CAD: variants seen among roughly 807,000 people sequenced by gnomAD.
The protein encoded by CAD is carbamoyl-phosphate synthetase 2, aspartate transcarbamylase, and dihydroorotase.
In CAD, 81 loss-of-function variants were observed where a neutral mutation model predicts 237.2. The ratio of observed to expected loss-of-function variants is 0.34; its 90% CI spans 0.29 to 0.41. CAD has a LOEUF of 0.41. Ranked by LOEUF, CAD falls within the 10% of genes least tolerant of loss-of-function variation. The pLI is 1.00. For missense variants in CAD, 2,181 were observed against 2,951.7 expected (o/e 0.74, Z 6.05); for synonymous variants, 1,196 against 1,162.8 (o/e 1.03, Z -0.58).
intron 2 of CAD, among the ~76,000 whole-genome samples, chr2:27,220,947 G>A (rs1458842298): frequency 6.6e-6 from 1 of 152,060 alleles, no homozygotes; most frequent in African/African-American, 2.4e-5. Flanking sequence ...GACAGAGTGA[G>A]ACTCTGTCTC....
At chr2:27,226,391 G>A (rs1229487732) in intron 13 of CAD, 72 bp downstream of exon 13, 1 of 1,565,054 alleles carries the variant, frequency 6.4e-7, no homozygotes, top group South Asian at 1.1e-5. Context: ...GGCCCTTGAG[G>A]TTGAGGTCTT....
Position 27,235,898 on chromosome 2 carries a change from TCTC to T in CAD, c.4074+261_4074+263del. On this transcript the variant is annotated intron_variant, in intron 25 of 43. Coordinates refer to ENST00000264705, the MANE Select transcript of CAD (RefSeq NM_004341.5). The surrounding 1 kb of genome is among the most constrained non-coding windows in gnomAD (Gnocchi z 5.2). Reference sequence around the variant, plus strand: ...CAAAAAAAAAAAAAACAAAGAATTATCTCCTATTCCCCTGCTTTTATTATTACC... The same window carrying T: ...CAAAAAAAAAAAAAACAAAGAATTATCTATTCCCCTGCTTTTATTATTACC... 2.1e-6 allele frequency: 1 copy of T among 486,030 alleles called. No individual in the cohort carries two copies. The highest frequency in any genetic ancestry group is 3.6e-6 in the Non-Finnish European group (1 of 274,410). 30.1% of individuals were successfully genotyped at this position (486,030 alleles called of 1,614,324 possible).
In CAD at chr2:27,225,711, G is replaced by T; in HGVS notation, c.1627G>T (p.Ala543Ser). 6.2e-7 allele frequency: 1 copy of T among 1,612,518 alleles called. No individual in the cohort carries two copies. Among genetic ancestry groups the T allele is most frequent in the South Asian group, 1.1e-5 (1 of 91,054 alleles). ...EAANSLEQAQ[A>S]AAERLGYPVL... ...TCTCTTCCACTCATTGCAGGCCCAG[G>T]CAGCCGCTGAACGGCTGGGGTACCC... The change falls in exon 12 of 44, where the codon GCA becomes TCA. Residue 543 changes from alanine (A) to serine (S), a missense_variant. Around this residue, in one of 12 missense-constraint regions of CAD, gnomAD observed 174 missense variants for 215.8 expected, o/e 0.81. Coordinates refer to ENST00000264705, the MANE Select transcript of CAD (RefSeq NM_004341.5).
Position 27,242,239 on chromosome 2 carries a change from A to G in CAD, c.6097-63A>G. ...CAGATGAGTGAGGGGACCCCAGAAG[A>G]GGGGGACTGGCAGTTGGGGGGCCTC... On this transcript the variant is annotated intron_variant, in intron 39 of 43. Coordinates refer to ENST00000264705, the MANE Select transcript of CAD (RefSeq NM_004341.5). The surrounding 1 kb of genome is among the most constrained non-coding windows in gnomAD (Gnocchi z 6.4). 1.3e-6 allele frequency: 2 copies of G among 1,583,266 alleles called. No individual in the cohort carries two copies. The highest frequency in any genetic ancestry group is 8.6e-7 in the Non-Finnish European group (1 of 1,161,336).
chr2:27,235,910 C>T lies in CAD; in HGVS notation c.4074+270C>T, dbSNP rs1340808490. On this transcript the variant is annotated intron_variant, in intron 25 of 43. Transcript: ENST00000264705. This position sits in a 1 kb window ranked among gnomAD's most constrained non-coding sequence, Gnocchi z 5.2. Reference sequence around the variant, plus strand: ...AAACAAAGAATTATCTCCTATTCCCCTGCTTTTATTATTACCATTATACTA... The same window carrying T: ...AAACAAAGAATTATCTCCTATTCCCTTGCTTTTATTATTACCATTATACTA... 1.4e-5 allele frequency: 7 copies of T among 487,420 alleles called. No homozygotes were observed. The highest frequency in any genetic ancestry group is 1.1e-4 in the East Asian group (3 of 27,994). The allele number at this position is 487,420 out of a possible 1,614,324, so 30.2% of individuals were successfully genotyped here.
At chr2:27,219,789 A>G (rs1675064670) in intron 2 of CAD, among the ~76,000 whole-genome samples, 2 of 151,962 alleles carry the variant, frequency 1.3e-5, no homozygotes, top group Non-Finnish European at 2.9e-5. Flanking sequence ...GGGTTTCTCC[A>G]TGTTGGTCAG....
At position 27,240,851 on chromosome 2, in the gene CAD, TG is replaced by T; in HGVS notation, c.5594-56del. 1 of 1,561,886 alleles carries T rather than the reference TG, an allele frequency of 6.4e-7. No individual in the cohort carries two copies. The highest frequency in any genetic ancestry group is 1.1e-5 in the South Asian group (1 of 89,772). On this transcript the variant is annotated intron_variant, in intron 35 of 43. Coordinates refer to ENST00000264705, the MANE Select transcript of CAD (RefSeq NM_004341.5). The surrounding 1 kb of genome is among the most constrained non-coding windows in gnomAD (Gnocchi z 4.6). ...CTGTGATTCAGAGTTCCTGGGAATA[TG>T]GGGTTTCTTTCCAAACCTCAGCCAT... is the stretch of plus-strand genomic sequence containing the variant.
intron 10 of CAD, 24 bp from the exon 11 acceptor site, chr2:27,224,986 T>A (rs766938241): frequency 8.1e-6 from 13 of 1,606,462 alleles, no homozygotes; most frequent in African/African-American, 1.3e-5. Flanking sequence ...TTCTGATGCC[T>A]GTAACTCCCC....
At chr2:27,221,434 G>T in intron 3 of CAD, 87 bp downstream of exon 3, 2 of 1,205,740 alleles carry the variant, frequency 1.7e-6, no homozygotes, top group Non-Finnish European at 2.2e-6. Context: ...GCTGGGACCT[G>T]ACTCTAAGAT....
Position 27,243,084 on chromosome 2 carries a change from TCAATTGCCATAGCTG to T in CAD, c.6481-111_6481-97del. The T allele has an allele frequency of 1.5e-5, 20 of 1,326,262 alleles. No individual in the cohort carries two copies. In the South Asian group the frequency reaches 2.5e-4, roughly 17 times the overall value. 82.2% of individuals were successfully genotyped at this position (1,326,262 alleles called of 1,614,324 possible). A position where few individuals can be genotyped will look rare whatever the true frequency, so the allele number is the denominator to read the frequency against. On this transcript the variant is annotated intron_variant, in intron 42 of 43. Transcript: ENST00000264705. ...TCAGAGCTGTTAAACTTCACATCTGTCAATTGCCATAGCTGCATGTGGGTGTGGAGGGGACCCCAG... is the reference window on the plus strand; with the variant it reads ...TCAGAGCTGTTAAACTTCACATCTGTCATGTGGGTGTGGAGGGGACCCCAG...
In CAD at chr2:27,242,172, G is replaced by A; in HGVS notation, c.6096+49G>A. ...ATGGGGTTAAGAAGGCTGGACCCAG[G>A]GGCATGAGAACCCTTCTGCCCACGT... On this transcript the variant is annotated intron_variant, in intron 39 of 43. Transcript: ENST00000264705. This position sits in a 1 kb window ranked among gnomAD's most constrained non-coding sequence, Gnocchi z 6.4. 1.3e-6 allele frequency: 2 copies of A among 1,599,550 alleles called. No individual in the cohort carries two copies. Among genetic ancestry groups the A allele is most frequent in the South Asian group, 1.1e-5 (1 of 90,442 alleles).
chr2:27,224,610 G>A lies in CAD; in HGVS notation c.1254+120G>A, dbSNP rs1675340122. ...ACCAGATTTGGGGAATGTAGAGAAA[G>A]ATGTAGTAAGAAATAGAAGTCAATT... On this transcript the variant is annotated intron_variant, in intron 9 of 43. Transcript: ENST00000264705. 1.9e-5 allele frequency: 29 copies of A among 1,537,884 alleles called. 1 individual carries two copies. The South Asian group carries it at 3.4e-4, about 18-fold the overall frequency.
rs1389649319 is a variant in CAD at position 27,243,528 on chromosome 2, TC to T, written c.*12del. 1.9e-6 allele frequency: 3 copies of T among 1,574,116 alleles called. No homozygotes were observed. The highest frequency in any genetic ancestry group is 1.7e-6 in the Non-Finnish European group (2 of 1,158,436). On this transcript the variant is annotated 3_prime_UTR_variant, in exon 44 of 44. Transcript: ENST00000264705. ...GCTGGGCCGTTTCTAGGGCCTGGCT[TC>T]CTCAGCCTCTTCTCTTTAGGCCCAG... is the stretch of plus-strand genomic sequence containing the variant.
chr2:27,237,502 G>A lies in CAD; in HGVS notation c.4520G>A (p.Arg1507Gln), dbSNP rs368492472. ...ATGGTGTGTGCCATGCCTAATACCCGGCCCCCCATCATTGACGCCCCTGCT... is the reference window on the plus strand; with the variant it reads ...ATGGTGTGTGCCATGCCTAATACCCAGCCCCCCATCATTGACGCCCCTGCT... ...ITMVCAMPNTRPPIIDAPALA... is the reference protein window; with the variant it reads ...ITMVCAMPNTQPPIIDAPALA... The change falls in exon 28 of 44, where the codon CGG becomes CAG. Residue 1507 changes from arginine to glutamine, a missense_variant. Around this residue, in one of 12 missense-constraint regions of CAD, gnomAD observed 478 missense variants for 515.0 expected, o/e 0.93. Transcript: ENST00000264705. This position sits in a 1 kb window ranked among gnomAD's most constrained non-coding sequence, Gnocchi z 4.0. The A allele has an allele frequency of 1.1e-5, 18 of 1,613,918 alleles. No individual in the cohort carries two copies. Among genetic ancestry groups the A allele is most frequent in the African/African-American group, 1.1e-4 (8 of 74,920 alleles).
In CAD at chr2:27,224,375, C is replaced by A. The variant is rs146282777; in HGVS notation, c.1139C>A (p.Pro380His). The change falls in exon 9 of 44, where the codon CCC (proline) becomes CAC (histidine). Residue 380 changes from proline (P) to histidine (H), a missense_variant. By Grantham distance (77) the Pro-to-His change is moderately conservative. Transcript: ENST00000264705. ...GAGCGGCTGACTGAGCGCCTCTGTC[C>A]CCCTGGGATTCCCACTCCCGGCTCT... Reference protein sequence around the residue: ...VRERLTERLCPPGIPTPGSGL... With the variant: ...VRERLTERLCHPGIPTPGSGL... The A allele has an allele frequency of 1.2e-3, 1,885 of 1,614,200 alleles. 8 individuals are homozygous for A. Among genetic ancestry groups the A allele is most frequent in the South Asian group, 3.3e-3 (300 of 91,084 alleles).
intron 2 of CAD, among the ~76,000 whole-genome samples, chr2:27,219,247 A>G (rs1395819785): frequency 6.6e-6 from 1 of 152,202 alleles, no homozygotes; most frequent in East Asian, 1.9e-4. Flanking sequence ...TTCATCACCC[A>G]GCTGAATGCA....
Position 27,233,825 on chromosome 2 carries a change from A to T in CAD, c.3399+17A>T, listed in dbSNP as rs1410563212. 2 of 1,612,196 alleles carry T rather than the reference A, an allele frequency of 1.2e-6. No homozygotes were observed. The highest frequency in any genetic ancestry group is 1.7e-6 in the Non-Finnish European group (2 of 1,179,296). ...GAGGCTAAGGTGGGAGGCTGCAGAC[A>T]GTGAAGTCTCTGAGGGCATGCTGCC... On this transcript the variant is annotated intron_variant, in intron 21 of 43. Transcript: ENST00000264705. The surrounding 1 kb of genome is among the most constrained non-coding windows in gnomAD (Gnocchi z 6.3).
At position 27,242,912 on chromosome 2, in the gene CAD, A is replaced by T; in HGVS notation, c.6419A>T (p.Asp2140Val). Residue 2140 changes from aspartate (D) to valine (V), a missense_variant, in exon 42 of 44, where the codon GAT (aspartate) becomes GTT (valine). Asp to Val is a radical substitution (Grantham distance 152, BLOSUM62 -3). Around this residue, in one of 12 missense-constraint regions of CAD, gnomAD observed 170 missense variants for 212.1 expected, o/e 0.80. Coordinates refer to ENST00000264705, the MANE Select transcript of CAD (RefSeq NM_004341.5). This position sits in a 1 kb window ranked among gnomAD's most constrained non-coding sequence, Gnocchi z 6.4. ...ATTGAGGAGGCGCTGCCTGACACTG[A>T]TGTGCTCTACATGACTCGAATCCAG... ...ESIEEALPDT[D>V]VLYMTRIQKE... is the part of the protein sequence containing the mutation. The T allele has an allele frequency of 6.2e-7, 1 of 1,613,870 alleles. No homozygotes were observed. Among genetic ancestry groups the T allele is most frequent in the Non-Finnish European group, 8.5e-7 (1 of 1,179,790 alleles).
In CAD at chr2:27,237,437, T is replaced by C. The variant is rs1026175693; in HGVS notation, c.4455T>C (p.Phe1485=). The C allele has an allele frequency of 8.1e-6, 13 of 1,614,094 alleles. No individual in the cohort carries two copies. The African/African-American group carries it at 1.2e-4, about 15-fold the overall frequency. ...REPGGTHKED[F]ASGTAAALAG... is the part of the protein sequence containing the mutation. Reference sequence around the variant, plus strand: ...CAGGTGGGACACATAAGGAGGACTTTGCTTCAGGCACAGCCGCTGCCCTGG... The same window carrying C: ...CAGGTGGGACACATAAGGAGGACTTCGCTTCAGGCACAGCCGCTGCCCTGG... Residue 1485 remains phenylalanine, a synonymous_variant, in exon 28 of 44, where the codon TTT becomes TTC. Transcript: ENST00000264705. The surrounding 1 kb of genome is among the most constrained non-coding windows in gnomAD (Gnocchi z 4.0).
Sources: gnomAD v4.1 joint callset for allele counts (sites outside exome capture counted in the v4.1 genomes callset) on GRCh38, gnomAD v4.1.1 for gene constraint, gnomAD v4.1.1 regional missense constraint, Gnocchi (gnomAD v3.1) non-coding constraint, MANE v1.5 for transcripts, NCBI Gene and HGNC (gene_info 2026-07-23, HGNC 2026-07-21) for gene names.